VWA8: variants seen among roughly 807,000 people sequenced by gnomAD.
The protein encoded by VWA8 is von Willebrand factor A domain containing 8.
A neutral mutation model predicts 241.5 loss-of-function variants in VWA8; 221 were observed. The observed-to-expected ratio is 0.91, with a 90% confidence interval of 0.82 to 1.02. The LOEUF (loss-of-function observed/expected upper bound fraction) is 1.02. VWA8 is among the 50% of genes least tolerant of loss of function. VWA8 has a pLI of 0.00. For synonymous variants in VWA8, 852 were observed against 827.1 expected, an observed-to-expected ratio of 1.03 and a Z score of -0.52; for missense variants, 2,322 against 2,328.7, an observed-to-expected ratio of 1.00 and a Z score of 0.06.
chr13:41,842,915 A>C (rs1872124817), intron 12 of VWA8, among the ~76,000 whole-genome samples: 1 of 152,180 alleles, frequency 6.6e-6, no homozygotes, highest in Non-Finnish European at 1.5e-5. Flanking sequence ...AGCACAAAGA[A>C]AACTGCTCTT....
intron 37 of VWA8, among the ~76,000 whole-genome samples, chr13:41,659,367 G>A (rs892138105): frequency 2.6e-5 from 4 of 152,182 alleles, no homozygotes; most frequent in African/African-American, 9.7e-5. Context: ...AGTAATAACA[G>A]TACCTTTCAT....
chr13:41,704,451 T>A (rs1378220071), intron 26 of VWA8, among the ~76,000 whole-genome samples: 2 of 134,872 alleles, frequency 1.5e-5, no homozygotes, highest in African/African-American at 2.6e-5. Flanking sequence ...GATAATTTTT[T>A]TTAAGTCTTC....
chr13:41,886,990 C>A (rs1454555962), intron 6 of VWA8, among the ~76,000 whole-genome samples, 160 bp from the exon 7 acceptor site: 1 of 152,110 alleles, frequency 6.6e-6, no homozygotes, highest in Non-Finnish European at 1.5e-5. Flanking sequence ...AAAAGAAAAG[C>A]CAGCCTTTTA....
rs374743929 is a variant in VWA8, at chr13:41,857,456, C to A, written c.1425+8280G>T. On this transcript the variant is annotated intron_variant, in intron 12 of 44. Coordinates refer to ENST00000379310, the MANE Select transcript of VWA8 (RefSeq NM_015058.2). ...TACTAAGATAAGGGTTGTAATTTTA[C>A]AATTTAATTTATAAAATTCCCTGTG... Among the ~76,000 whole-genome samples the A allele has an allele frequency of 3.9e-5, 6 of 152,174 alleles. No individual in the cohort carries two copies. In the East Asian group the frequency reaches 7.7e-4, roughly 20 times the overall value.
At chr13:41,808,263 G>A (rs577491888) in intron 17 of VWA8, among the ~76,000 whole-genome samples, 2 of 152,236 alleles carry the variant, frequency 1.3e-5, no homozygotes, top group Admixed American at 1.3e-4. Flanking sequence ...GTGTTAGTCC[G>A]TTTTTGTACG....
chr13:41,888,657 AC>A (rs781600991), intron 5 of VWA8, among the ~76,000 whole-genome samples: 2 of 152,124 alleles, frequency 1.3e-5, no homozygotes, highest in Non-Finnish European at 2.9e-5. Flanking sequence ...CCATTTTTGT[AC>A]CCTTTTACTT....
chr13:41,702,947 TCTTTA>T (rs1439181349), intron 27 of VWA8, among the ~76,000 whole-genome samples: 2 of 152,170 alleles, frequency 1.3e-5, no homozygotes, highest in Admixed American at 6.5e-5. Context: ...AACGGACAGT[TCTTTA>T]CTTTACTTTC....
intron 4 of VWA8, among the ~76,000 whole-genome samples, chr13:41,898,821 G>C (rs1410226842): frequency 6.6e-6 from 1 of 152,158 alleles, no homozygotes; most frequent in Admixed American, 6.5e-5. Context: ...CCGCTGGCCC[G>C]GGTGCTAAGT....
At chr13:41,846,669 TTAAAA>T (rs1397605519) in intron 12 of VWA8, among the ~76,000 whole-genome samples, 1 of 152,148 alleles carries the variant, frequency 6.6e-6, no homozygotes, top group Non-Finnish European at 1.5e-5. Flanking sequence ...ATCTTAGAAT[TTAAAA>T]TAAAGTTAAT....
rs28848189 is a variant in VWA8, at chr13:41,922,415, G to A, written c.242-10247C>T. 1.8e-3 allele frequency among the ~76,000 whole-genome samples: 272 copies of A among 152,224 alleles called. 2 individuals are homozygous for A. The highest frequency in any genetic ancestry group is 5.7e-3 in the African/African-American group (237 of 41,548). ...TAAAACACCAAAAGCAATGGCAACGGAAGCCAAAATTGACAAATGGGATCT... is the reference window on the plus strand; with the variant it reads ...TAAAACACCAAAAGCAATGGCAACGAAAGCCAAAATTGACAAATGGGATCT... On this transcript the variant is annotated intron_variant, in intron 2 of 44. Transcript: ENST00000379310.
chr13:41,740,984 T>A (rs2045565425), intron 21 of VWA8, among the ~76,000 whole-genome samples: 1 of 152,212 alleles, frequency 6.6e-6, no homozygotes, highest in South Asian at 2.1e-4. Context: ...ATGTCAACCT[T>A]CTCAGCGAGG....
intron 43 of VWA8, among the ~76,000 whole-genome samples, chr13:41,573,073 C>T (rs2044320106): frequency 7.0e-6 from 1 of 142,220 alleles, no homozygotes; most frequent in Non-Finnish European, 1.5e-5. Context: ...TGTACCACTG[C>T]ACTCCAGCCT....
chr13:41,703,777 A>AT (rs755091767), intron 26 of VWA8, among the ~76,000 whole-genome samples: 24,626 of 134,040 alleles, frequency 0.18, 2,243 homozygotes, highest in Non-Finnish European at 0.23. Context: ...TTTTCAGTCT[A>AT]TTTTTTTTTT....
chr13:41,732,485 AAT>A (rs367672506), intron 21 of VWA8, among the ~76,000 whole-genome samples: 110 of 148,842 alleles, frequency 7.4e-4, no homozygotes, highest in East Asian at 1.2e-3. Context: ...GAAACTAAAA[AAT>A]ATATATATAT....
At chr13:41,781,283 T>C (rs1355958019) in intron 19 of VWA8, among the ~76,000 whole-genome samples, 1 of 152,142 alleles carries the variant, frequency 6.6e-6, no homozygotes, top group African/African-American at 2.4e-5. Flanking sequence ...TTCATACCAG[T>C]GACAACAATT....
At position 41,594,123 on chromosome 13, in the gene VWA8, T is replaced by TG. The variant is rs1012260741; in HGVS notation, c.4987-3359dup. Among the ~76,000 whole-genome samples the TG allele has an allele frequency of 3.8e-5, 5 of 130,466 alleles. No individual in the cohort carries two copies. In the Admixed American group the frequency reaches 3.9e-4, roughly 10 times the overall value. 85.6% of individuals were successfully genotyped at this position (130,466 alleles called of 152,430 possible). ...TATAGATTGTCATTTTTGTAATTTT[T>TG]GTTTTTTTTTTTTTGACACAAGGTC... On this transcript the variant is annotated intron_variant, in intron 40 of 44. Coordinates refer to ENST00000379310, the MANE Select transcript of VWA8 (RefSeq NM_015058.2).
chr13:41,641,033 C>T (rs12862574), intron 37 of VWA8, among the ~76,000 whole-genome samples: 4,926 of 152,156 alleles, frequency 0.032, 91 homozygotes, highest in South Asian at 0.077. Flanking sequence ...TCCTGATTTC[C>T]GATAACCACT....
intron 21 of VWA8, among the ~76,000 whole-genome samples, chr13:41,739,879 G>T: frequency 8.1e-6 from 1 of 122,944 alleles, no homozygotes; most frequent in Non-Finnish European, 1.7e-5. Flanking sequence ...TTTTGAGACA[G>T]AGTCTTGCTC....
chr13:41,650,651 C>A (rs1326972658), intron 37 of VWA8, among the ~76,000 whole-genome samples: 1 of 152,220 alleles, frequency 6.6e-6, no homozygotes, highest in African/African-American at 2.4e-5. Context: ...TTATTGAAAT[C>A]TGACCAGGTG....
Sources: gnomAD v4.1 joint callset for allele counts (sites outside exome capture counted in the v4.1 genomes callset) on GRCh38, gnomAD v4.1.1 for gene constraint, MANE v1.5 for transcripts, NCBI Gene and HGNC (gene_info 2026-07-23, HGNC 2026-07-21) for gene names.